Variants in TP53BP1 observed in about 807,000 individuals in gnomAD.
The protein encoded by TP53BP1 is tumor protein p53 binding protein 1.
Under a neutral mutation model 200.8 loss-of-function variants are expected in TP53BP1, and 61 were observed. The observed-to-expected ratio is 0.30, with a 90% CI of 0.25 to 0.38. The LOEUF is 0.38. Among genes scored for constraint, TP53BP1 ranks in the 10% least tolerant of loss-of-function variants. TP53BP1 has a pLI of 1.00. For missense variants in TP53BP1, 2,144 were observed against 2,371.9 expected (o/e 0.90, Z 2.00); for synonymous variants, 822 against 844.3 (o/e 0.97, Z 0.46).
At position 43,493,145 on chromosome 15, in the gene TP53BP1, G is replaced by A. The variant is rs529622661; in HGVS notation, c.-102C>T. ...CGCCGCTGTCGCCACCGCCGCCACC[G>A]GCCGCGAACTCCCCCTTTCCCGTCA... is the stretch of plus-strand genomic sequence containing the variant. On this transcript the variant is annotated 5_prime_UTR_variant, in exon 1 of 28. Transcript: ENST00000382044. 80 of 1,572,638 alleles carry A rather than the reference G, an allele frequency of 5.1e-5. 1 individual carries two copies. In the African/African-American group the frequency reaches 6.8e-4, roughly 13 times the overall value.
At chr15:43,483,302 G>A (rs1001057647) in intron 4 of TP53BP1, among the ~76,000 whole-genome samples, 2 of 150,974 alleles carry the variant, frequency 1.3e-5, no homozygotes, top group African/African-American at 2.4e-5. Flanking sequence ...CATTTCTTCT[G>A]TGGGCTTAAA....
At chr15:43,489,551 C>T (rs752942554) in intron 4 of TP53BP1, among the ~76,000 whole-genome samples, 26 of 152,190 alleles carry the variant, frequency 1.7e-4, no homozygotes, top group Non-Finnish European at 2.6e-4. Context: ...AAAAGAACAC[C>T]TGGCCTCAGT....
Position 43,457,173 on chromosome 15 carries a change from C to A in TP53BP1, c.1435G>T (p.Gly479Trp). The change falls in exon 12 of 28, where the codon GGG (glycine) becomes TGG (tryptophan). Residue 479 changes from glycine (G) to tryptophan (W), a missense_variant. Transcript: ENST00000382044. Reference sequence around the variant, plus strand: ...CTATGCATATCTCCATCTTTCTTCCCATCATTTGATTGTTCTTCCAGACTT... The same window carrying A: ...CTATGCATATCTCCATCTTTCTTCCAATCATTTGATTGTTCTTCCAGACTT... ...SPSLEEQSND[G>W]KKDGDMHSSS... The A allele has an allele frequency of 6.2e-7, 1 of 1,612,530 alleles. No individual in the cohort carries two copies. Among genetic ancestry groups the A allele is most frequent in the South Asian group, 1.1e-5 (1 of 90,610 alleles).
At chr15:43,470,441 A>G (rs1312808822) in intron 10 of TP53BP1, among the ~76,000 whole-genome samples, 2 of 152,240 alleles carry the variant, frequency 1.3e-5, no homozygotes, top group African/African-American at 4.8e-5. Context: ...ATATTCTACC[A>G]CAGGCCTTGA....
At chr15:43,437,818 GTC>G (rs1475909385) in intron 16 of TP53BP1, among the ~76,000 whole-genome samples, 1 of 152,180 alleles carries the variant, frequency 6.6e-6, no homozygotes, top group Non-Finnish European at 1.5e-5. Flanking sequence ...GTACATCTTA[GTC>G]TGTTTTCTGC....
intron 11 of TP53BP1, among the ~76,000 whole-genome samples, chr15:43,466,813 C>G (rs1365075000): frequency 6.6e-6 from 1 of 152,162 alleles, no homozygotes; most frequent in Non-Finnish European, 1.5e-5. Flanking sequence ...GCTATGATTG[C>G]TCCACTGCAT....
chr15:43,408,523 T>C lies in TP53BP1; in HGVS notation c.5600+374A>G, dbSNP rs1049409483. Reference sequence around the variant, plus strand: ...ATTAGGGTCCCCCTTCTCTTCCTTCTTTCTATGAATGATCTGTATTCCTTG... The same window carrying C: ...ATTAGGGTCCCCCTTCTCTTCCTTCCTTCTATGAATGATCTGTATTCCTTG... On this transcript the variant is annotated intron_variant, in intron 26 of 27. Coordinates refer to ENST00000382044, the MANE Select transcript of TP53BP1 (RefSeq NM_001141980.3). 10 of 273,014 alleles carry C rather than the reference T, an allele frequency of 3.7e-5. No individual in the cohort carries two copies. In the Admixed American group the frequency reaches 4.9e-4, roughly 13 times the overall value. The allele number at this position is 273,014 out of a possible 1,614,324, so 16.9% of individuals were successfully genotyped here.
At chr15:43,452,613 T>C (rs931869094) in intron 12 of TP53BP1, among the ~76,000 whole-genome samples, 1 of 141,524 alleles carries the variant, frequency 7.1e-6, no homozygotes, top group Non-Finnish European at 1.5e-5. Flanking sequence ...CTTCATGTTC[T>C]AATTTGTAGT....
chr15:43,458,378 G>A (rs2143011170), intron 11 of TP53BP1, among the ~76,000 whole-genome samples: 1 of 152,184 alleles, frequency 6.6e-6, no homozygotes, highest in African/African-American at 2.4e-5. Flanking sequence ...GGCAGAGGTT[G>A]CAGTGAGCTG....
Position 43,407,224 on chromosome 15 carries a change from C to G in TP53BP1, c.*159G>C. On this transcript the variant is annotated 3_prime_UTR_variant, in exon 28 of 28. Coordinates refer to ENST00000382044, the MANE Select transcript of TP53BP1 (RefSeq NM_001141980.3). ...ATGAAGAAATCCCAGTTACTACAAC[C>G]AAAGAGATTCAACATTTATTTTATC... The G allele has an allele frequency of 3.1e-6, 2 of 646,292 alleles. No homozygotes were observed. The highest frequency in any genetic ancestry group is 2.8e-5 in the East Asian group (1 of 36,196). The allele number at this position is 646,292 out of a possible 1,614,324, so 40.0% of individuals were successfully genotyped here.
Position 43,493,090 on chromosome 15 carries a change from C to T in TP53BP1, c.-47G>A, listed in dbSNP as rs1318612989. On this transcript the variant is annotated 5_prime_UTR_variant, in exon 1 of 28. Transcript: ENST00000382044. Reference sequence around the variant, plus strand: ...CTCGAGCTAGAGGTCTCTGCACGCTCCCCAAGTCCCTCCAGATCGATCCCT... The same window carrying T: ...CTCGAGCTAGAGGTCTCTGCACGCTTCCCAAGTCCCTCCAGATCGATCCCT... The T allele has an allele frequency of 6.2e-7, 1 of 1,610,164 alleles. No homozygotes were observed.
At position 43,456,500 on chromosome 15, in the gene TP53BP1, G is replaced by C; in HGVS notation, c.2108C>G (p.Ser703Cys). 2.5e-6 allele frequency: 4 copies of C among 1,589,276 alleles called. No individual in the cohort carries two copies. The highest frequency in any genetic ancestry group is 3.4e-6 in the Non-Finnish European group (4 of 1,169,628). ...TTCCTTTTGAAGACACAACCCTTGGGACTGAGTTTCAGTCAGAGAAAGGTG... is the reference window on the plus strand; with the variant it reads ...TTCCTTTTGAAGACACAACCCTTGGCACTGAGTTTCAGTCAGAGAAAGGTG... ...PLHLSLTETQ[S>C]QGLCLQKEMP... is the part of the protein sequence containing the mutation. The change falls in exon 12 of 28, where the codon TCC (serine) becomes TGC (cysteine). Residue 703 changes from serine to cysteine, a missense_variant. By Grantham distance (112) the Ser-to-Cys change is moderately radical (BLOSUM62 -1). Around this residue, in one of 4 missense-constraint regions of TP53BP1, gnomAD observed 1,700 missense variants for 1,710.3 expected, o/e 0.99. Coordinates refer to ENST00000382044, the MANE Select transcript of TP53BP1 (RefSeq NM_001141980.3).
intron 1 of TP53BP1, among the ~76,000 whole-genome samples, chr15:43,500,378 CTCAA>C (rs2079203431): frequency 6.6e-6 from 1 of 152,114 alleles, no homozygotes; most frequent in Non-Finnish European, 1.5e-5. Context: ...GCAACAAATG[CTCAA>C]TCTTCTTTTG....
chr15:43,485,930 C>CA (rs915208764), intron 4 of TP53BP1, among the ~76,000 whole-genome samples: 8 of 151,984 alleles, frequency 5.3e-5, no homozygotes, highest in African/African-American at 1.9e-4. Context: ...AGATTACAGA[C>CA]AAAAAACAGT....
intron 21 of TP53BP1, chr15:43,416,635 C>T (rs1344751240): frequency 5.1e-6 from 2 of 390,946 alleles, no homozygotes; most frequent in African/African-American, 2.1e-5. Context: ...AGTTTCTTGA[C>T]AGAAGGTAGC....
rs2044844187 is a variant in TP53BP1 at position 43,405,650 on chromosome 15, A to G, written c.*1733T>C. On this transcript the variant is annotated 3_prime_UTR_variant, in exon 28 of 28. Coordinates refer to ENST00000382044, the MANE Select transcript of TP53BP1 (RefSeq NM_001141980.3). ...AACTGCTGGATGTTACCACCAAGTA[A>G]GAAAGCAACAGGTAAGATAGGCTTT... The G allele has an allele frequency of 1.2e-5, 2 of 165,016 alleles. No homozygotes were observed. The highest frequency in any genetic ancestry group is 2.6e-5 in the Non-Finnish European group (2 of 76,242). 10.2% of individuals were successfully genotyped at this position (165,016 alleles called of 1,614,324 possible). A position where few individuals can be genotyped will look rare whatever the true frequency, so the allele number is the denominator to read the frequency against.
chr15:43,440,556 C>A (rs1037971917), intron 15 of TP53BP1, among the ~76,000 whole-genome samples: 1 of 151,204 alleles, frequency 6.6e-6, no homozygotes, highest in African/African-American at 2.4e-5. Flanking sequence ...TTGTACCTAG[C>A]CACTTTAGTT....
At position 43,499,116 on chromosome 15, in the gene TP53BP1, A is replaced by C. The variant is rs181053391; in HGVS notation, c.-8-6648T>G. Among the ~76,000 whole-genome samples the C allele has an allele frequency of 2.1e-3, 320 of 152,312 alleles. 2 individuals carry two copies. The highest frequency in any genetic ancestry group is 7.2e-3 in the African/African-American group (298 of 41,588). On this transcript the variant is annotated intron_variant, in intron 1 of 27. Coordinates refer to the TP53BP1 transcript ENST00000263801. The stretch of plus-strand genomic sequence containing the variant: ...TGTCCTGGGGCTGAGAAATCTAAAA[A>C]GAATATAAGAGAAGACTTCAGTGGA...
At chr15:43,448,247 G>C (rs998861880) in intron 12 of TP53BP1, among the ~76,000 whole-genome samples, 7 of 152,022 alleles carry the variant, frequency 4.6e-5, no homozygotes, top group African/African-American at 1.7e-4. Context: ...CCAAATTTTT[G>C]CTAATCAGAA....
Sources: gnomAD v4.1 joint callset for allele counts (sites outside exome capture counted in the v4.1 genomes callset) on GRCh38, gnomAD v4.1.1 for gene constraint, gnomAD v4.1.1 regional missense constraint, MANE v1.5 for transcripts, NCBI Gene and HGNC (gene_info 2026-07-23, HGNC 2026-07-21) for gene names.